Variants in RGS12 observed in about 807,000 individuals in gnomAD.
RGS12 encodes regulator of G protein signaling 12, also known as regulator of G-protein signaling 12.
A neutral mutation model predicts 120.1 loss-of-function variants in RGS12; 66 were observed. The observed-to-expected ratio is 0.55, with a 90% CI of 0.45 to 0.67. The LOEUF (loss-of-function observed/expected upper bound fraction) is 0.67. Ranked by LOEUF, RGS12 falls within the 30% of genes least tolerant of loss-of-function variation. RGS12 has a pLI of 0.00. For missense variants in RGS12, 1,859 were observed against 1,957.7 expected (o/e 0.95, Z 0.95); for synonymous variants, 827 against 804.7 (o/e 1.03, Z -0.47).
chr4:3,303,564 C>T (rs71608270), intron 1 of RGS12, among the ~76,000 whole-genome samples: 1 of 152,240 alleles, frequency 6.6e-6, no homozygotes, highest in Admixed American at 6.5e-5. Flanking sequence ...AAGCCCCCTC[C>T]TCTTCCTCAG....
chr4:3,417,609 C>G (rs753689129), intron 9 of RGS12, 68 bp downstream of exon 9: 1 of 1,560,642 alleles, frequency 6.4e-7, no homozygotes, highest in Non-Finnish European at 8.8e-7. Context: ...TGGCGTCGCT[C>G]TGGTGGTTGG....
At chr4:3,309,652 A>G (rs1724225078) in intron 1 of RGS12, among the ~76,000 whole-genome samples, 1 of 99,766 alleles carries the variant, frequency 1.0e-5, no homozygotes, top group Non-Finnish European at 2.0e-5. Context: ...GTGGGGGAGG[A>G]GCTGGGACCC....
At chr4:3,385,420 C>T (rs1718738528) in intron 3 of RGS12, 2 of 153,934 alleles carry the variant, frequency 1.3e-5, no homozygotes, top group Non-Finnish European at 1.4e-5. Context: ...CATCCGTGTC[C>T]CCTGGTGAGC....
chr4:3,431,123 G>C (rs949834787), intron 17 of RGS12, 168 bp downstream of exon 17: 1 of 1,435,132 alleles, frequency 7.0e-7, no homozygotes, highest in Non-Finnish European at 9.1e-7. Context: ...GAAAGGAGGG[G>C]CTCGTGTGGC....
Position 3,439,500 on chromosome 4 carries a change from T to G in RGS12, c.4160T>G (p.Ile1387Ser). Residue 1387 changes from isoleucine (I) to serine (S), a missense_variant, in exon 18 of 18, where the codon ATC becomes AGC. Transcript: ENST00000336727. ...CGAGACCTCCCAGTCAACAGAATCATCGATGTGGATCTTGTAACTGGCTCG... is the reference window on the plus strand; with the variant it reads ...CGAGACCTCCCAGTCAACAGAATCAGCGATGTGGATCTTGTAACTGGCTCG... ...GSRDLPVNRI[I>S]DVDLVTGSAP... 6.2e-7 allele frequency: 1 copy of G among 1,612,806 alleles called. No homozygotes were observed. The highest frequency in any genetic ancestry group is 8.5e-7 in the Non-Finnish European group (1 of 1,179,898).
chr4:3,430,408 GT>G lies in RGS12; in HGVS notation c.3573del (p.Phe1191LeufsTer19). On this transcript the variant is annotated frameshift_variant and splice_region_variant, in exon 17 of 18. Transcript: ENST00000336727. LOFTEE classifies it high-confidence loss of function. ...TCACTCTGGGTTTTCTTCCAATAGA[GT>G]TTTTTGAGCTTATTTCCAAAGCTCA... ...QKINLDEAEE[F>X]FELISKAQSN... is the part of the protein sequence containing the mutation. The G allele has an allele frequency of 6.2e-7, 1 of 1,607,710 alleles. No homozygotes were observed. The highest frequency in any genetic ancestry group is 8.5e-7 in the Non-Finnish European group (1 of 1,176,256).
chr4:3,423,739 C>T (rs1019044184), intron 13 of RGS12, 98 bp downstream of exon 13: 45 of 1,427,516 alleles, frequency 3.2e-5, no homozygotes, highest in East Asian at 7.3e-5. Context: ...CACCAAGAAG[C>T]GGTGTCTTCC....
At chr4:3,363,452 G>T (rs1715933989) in intron 3 of RGS12, among the ~76,000 whole-genome samples, 1 of 152,034 alleles carries the variant, frequency 6.6e-6, no homozygotes, top group African/African-American at 2.4e-5. Flanking sequence ...CCCAGGCCTT[G>T]TGGTTAGTTG....
At chr4:3,426,519 C>T (rs1470311224) in intron 14 of RGS12, 1 of 152,342 alleles carries the variant, frequency 6.6e-6, no homozygotes, top group African/African-American at 2.4e-5. Flanking sequence ...CAGGCTCGGT[C>T]ATTTGGGCTG....
chr4:3,414,057 G>A lies in RGS12; in HGVS notation c.2021-15G>A. 1.9e-6 allele frequency: 3 copies of A among 1,540,284 alleles called. No individual in the cohort carries two copies. In the Middle Eastern group the frequency reaches 5.3e-4, roughly 273 times the overall value. On this transcript the variant is annotated splice_polypyrimidine_tract_variant and intron_variant, in intron 4 of 17. Coordinates refer to ENST00000336727, the MANE Select transcript of RGS12 (RefSeq NM_001394154.1). ...GAGGGCAGGGGTGCAGGTGCTGTCT[G>A]TGCTGGTCCCGCAGAGTTGACGGGC...
At chr4:3,438,192 C>G (rs1448741291) in intron 17 of RGS12, among the ~76,000 whole-genome samples, 1 of 152,116 alleles carries the variant, frequency 6.6e-6, no homozygotes, top group East Asian at 1.9e-4. Flanking sequence ...TCCTGCCACC[C>G]CATAGGCGCC....
chr4:3,430,051 G>A (rs527772212), intron 16 of RGS12, among the ~76,000 whole-genome samples: 1 of 152,358 alleles, frequency 6.6e-6, no homozygotes, highest in South Asian at 2.1e-4. Flanking sequence ...AGGGCCCCAA[G>A]TGTTAAATTG....
intron 17 of RGS12, among the ~76,000 whole-genome samples, chr4:3,437,824 G>A (rs933795536): frequency 1.3e-5 from 2 of 152,192 alleles, no homozygotes; most frequent in Admixed American, 1.3e-4. Context: ...CCACTGCTGG[G>A]ACCTGTTCAA....
chr4:3,296,583 G>A (rs1723395561), intron 1 of RGS12, among the ~76,000 whole-genome samples: 1 of 152,206 alleles, frequency 6.6e-6, no homozygotes, highest in African/African-American at 2.4e-5. Context: ...ATTGCCGTAT[G>A]GCTTTCACAG....
chr4:3,306,446 C>G (rs1002324611), intron 1 of RGS12, among the ~76,000 whole-genome samples: 1 of 152,194 alleles, frequency 6.6e-6, no homozygotes, highest in African/African-American at 2.4e-5. Context: ...TTGGGAAGTC[C>G]CGCTCGATAA....
At chr4:3,437,245 G>T (rs1045330802) in intron 17 of RGS12, among the ~76,000 whole-genome samples, 3 of 152,128 alleles carry the variant, frequency 2.0e-5, no homozygotes, top group Non-Finnish European at 4.4e-5. Context: ...TCCTTGTGAT[G>T]TGGACATCCT....
chr4:3,315,151 G>A (rs1724656259), intron 1 of RGS12, among the ~76,000 whole-genome samples: 1 of 152,204 alleles, frequency 6.6e-6, no homozygotes, highest in African/African-American at 2.4e-5. Context: ...CGCTGGGAGA[G>A]GATTCTGGAA....
At chr4:3,438,298 C>T (rs777571202) in intron 17 of RGS12, among the ~76,000 whole-genome samples, 7 of 152,026 alleles carry the variant, frequency 4.6e-5, no homozygotes, top group East Asian at 1.9e-4. Context: ...CTAGGAGACA[C>T]GCTAGGTACG....
intron 4 of RGS12, among the ~76,000 whole-genome samples, chr4:3,400,762 A>G (rs1384622342): frequency 6.7e-6 from 1 of 149,178 alleles, no homozygotes; most frequent in Admixed American, 6.7e-5. Context: ...ATAATTAGTA[A>G]TAGAATATAT....
Sources: allele counts gnomAD v4.1 joint callset (sites outside exome capture counted in the v4.1 genomes callset), GRCh38; gene constraint gnomAD v4.1.1; transcripts MANE v1.5; gene names NCBI Gene and HGNC (gene_info 2026-07-23, HGNC 2026-07-21).